The following SPRING1 variants were observed in gnomAD, a reference collection of about 807,000 sequenced individuals.
SPRING1 encodes the protein SREBP regulating gene protein.
Under a neutral mutation model 24.7 loss-of-function variants are expected in SPRING1, and 14 were observed. That is an observed-to-expected ratio of 0.57 (90% CI 0.37 to 0.88). The LOEUF is 0.88. Among genes scored for constraint, SPRING1 ranks in the 40% least tolerant of loss-of-function variants. The probability of loss-of-function intolerance (pLI) is 0.00; values close to 1 mark genes in which losing one functional copy is unlikely to be tolerated. For synonymous variants in SPRING1, 93 were observed against 106.1 expected (o/e 0.88, Z 0.76); for missense variants, 255 against 268.4 (o/e 0.95, Z 0.35).
Position 116,711,333 on chromosome 12 carries a change from A to G in SPRING1, c.*6477T>C, listed in dbSNP as rs11068161. The G allele has an allele frequency of 0.25, 37,905 of 152,034 alleles. 4,884 individuals are homozygous for G. The highest frequency in any genetic ancestry group is 0.37 in the East Asian group (1,902 of 5,122). The allele number at this position is 152,034 out of a possible 1,614,324, so 9.4% of individuals were successfully genotyped here. A position where few individuals can be genotyped will look rare whatever the true frequency, so the allele number is the denominator to read the frequency against. On this transcript the variant is annotated 3_prime_UTR_variant, in exon 5 of 5. Transcript: ENST00000261318. ...CGGATCACGAGGTCAGGAGATCGAG[A>G]CCATCCTGGCTACTAACACGGTGAA...
chr12:116,718,021 C>A, intron 4 of SPRING1, 128 bp from the exon 5 acceptor site: 1 of 690,852 alleles, frequency 1.4e-6, no homozygotes, highest in Non-Finnish European at 2.2e-6. Flanking sequence ...AGTCCATCTC[C>A]AAATGTCACT....
chr12:116,722,072 T>C (rs1002343759), intron 2 of SPRING1, among the ~76,000 whole-genome samples: 4 of 152,170 alleles, frequency 2.6e-5, no homozygotes, highest in African/African-American at 7.2e-5. Context: ...CTTTGAAAAG[T>C]TTGTAAATGC....
intron 1 of SPRING1, among the ~76,000 whole-genome samples, chr12:116,731,622 C>T (rs947496139): frequency 3.9e-5 from 6 of 152,094 alleles, no homozygotes; most frequent in South Asian, 4.1e-4. Context: ...TGGTTGCCCA[C>T]GCCTGTAGTC....
In SPRING1 at chr12:116,737,966, A is replaced by G. The variant is rs1299196829; in HGVS notation, c.-66T>C. 1 of 1,260,892 alleles carries G rather than the reference A, an allele frequency of 7.9e-7. No individual in the cohort carries two copies. The highest frequency in any genetic ancestry group is 1.0e-6 in the Non-Finnish European group (1 of 998,186). 78.1% of individuals were successfully genotyped at this position (1,260,892 alleles called of 1,614,324 possible). A position where few individuals can be genotyped will look rare whatever the true frequency, so the allele number is the denominator to read the frequency against. On this transcript the variant is annotated 5_prime_UTR_variant, in exon 1 of 5. An upstream start codon of the reference 5' UTR is lost. Transcript: ENST00000261318. ...GCGGCAGGCCCGGGTCCCGGGCGGC[A>G]TGGCCCCTACGCGCCCGGCAGCCCC... is the stretch of plus-strand genomic sequence containing the variant.
chr12:116,711,025 A>ACACACACATG lies in SPRING1; in HGVS notation c.*6784_*6785insCATGTGTGTG, dbSNP rs36071252. 1 of 150,814 alleles carries ACACACACATG rather than the reference A, an allele frequency of 6.6e-6. No individual in the cohort carries two copies. Among genetic ancestry groups the ACACACACATG allele is most frequent in the African/African-American group, 2.4e-5 (1 of 40,888 alleles). 9.3% of individuals were successfully genotyped at this position (150,814 alleles called of 1,614,324 possible). A position where few individuals can be genotyped will look rare whatever the true frequency, so the allele number is the denominator to read the frequency against. ...TTTTGTTACACACACACACACACAC[A>ACACACACATG]CACGCACACACAGAGCCAATGTATG... On this transcript the variant is annotated 3_prime_UTR_variant, in exon 5 of 5. Transcript: ENST00000261318.
At position 116,712,474 on chromosome 12, in the gene SPRING1, A is replaced by G. The variant is rs1869914771; in HGVS notation, c.*5336T>C. On this transcript the variant is annotated 3_prime_UTR_variant, in exon 5 of 5. Transcript: ENST00000261318. ...TACACAAAACTGCACTCATGCTGTG[A>G]TAACACGCAAAAGGTCACACACTGG... is the stretch of plus-strand genomic sequence containing the variant. The G allele has an allele frequency of 2.0e-5, 3 of 152,206 alleles. No individual in the cohort carries two copies. The highest frequency in any genetic ancestry group is 2.9e-5 in the Non-Finnish European group (2 of 68,052). The allele number at this position is 152,206 out of a possible 1,614,324, so 9.4% of individuals were successfully genotyped here.
At chr12:116,718,964 G>A (rs1870287272) in intron 4 of SPRING1, among the ~76,000 whole-genome samples, 2 of 152,210 alleles carry the variant, frequency 1.3e-5, no homozygotes, top group Non-Finnish European at 2.9e-5. Flanking sequence ...AAAATCCAAA[G>A]GTGGACTACA....
At chr12:116,724,422 A>G (rs1409207617) in intron 1 of SPRING1, among the ~76,000 whole-genome samples, 2 of 152,208 alleles carry the variant, frequency 1.3e-5, no homozygotes, top group Non-Finnish European at 2.9e-5. Flanking sequence ...ATGGTATAAA[A>G]AACCTGAAAC....
intron 1 of SPRING1, among the ~76,000 whole-genome samples, chr12:116,726,112 A>C (rs910028680): frequency 1.3e-5 from 2 of 152,230 alleles, no homozygotes; most frequent in African/African-American, 4.8e-5. Flanking sequence ...AAACATTTCC[A>C]AGTCCCTACA....
In SPRING1 at chr12:116,711,647, C is replaced by T. The variant is rs1220527729; in HGVS notation, c.*6163G>A. The T allele has an allele frequency of 6.6e-6, 1 of 152,252 alleles. No individual in the cohort carries two copies. The highest frequency in any genetic ancestry group is 1.5e-5 in the Non-Finnish European group (1 of 68,098). The allele number at this position is 152,252 out of a possible 1,614,324, so 9.4% of individuals were successfully genotyped here. On this transcript the variant is annotated 3_prime_UTR_variant, in exon 5 of 5. Transcript: ENST00000261318. ...TTTCCCCTCCTCAGACAGGGTCTCA[C>T]TCTGTGGCCCAGGTTGGAGCACACT...
intron 2 of SPRING1, among the ~76,000 whole-genome samples, chr12:116,722,432 G>A (rs1331210350): frequency 6.6e-6 from 1 of 152,170 alleles, no homozygotes; most frequent in East Asian, 1.9e-4. Flanking sequence ...CACACATCCT[G>A]TAAGAAGCCC....
At chr12:116,727,113 C>T (rs1482977819) in intron 1 of SPRING1, among the ~76,000 whole-genome samples, 1 of 152,158 alleles carries the variant, frequency 6.6e-6, no homozygotes, top group East Asian at 1.9e-4. Context: ...TTTCACCTAC[C>T]CTATTAGGTT....
intron 1 of SPRING1, among the ~76,000 whole-genome samples, chr12:116,731,293 C>T (rs758986602): frequency 6.6e-6 from 1 of 152,238 alleles, no homozygotes; most frequent in Non-Finnish European, 1.5e-5. Context: ...CCCATGACTT[C>T]TGCACCATCA....
rs945432998 is a variant in SPRING1 at position 116,728,400 on chromosome 12, T to C, written c.112-5177A>G. Among the ~76,000 whole-genome samples the C allele has an allele frequency of 5.9e-5, 9 of 152,286 alleles. No homozygotes were observed. The highest frequency in any genetic ancestry group is 8.8e-5 in the Non-Finnish European group (6 of 68,024). On this transcript the variant is annotated intron_variant, in intron 1 of 4. Coordinates refer to ENST00000261318, the MANE Select transcript of SPRING1 (RefSeq NM_024738.4). This position sits in a 1 kb window ranked among gnomAD's most constrained non-coding sequence, Gnocchi z 4.2. ...GTGCCTGGCACACAGTTGGTGTTAT[T>C]TGTTAAATAAATGCACCCAAGAAAC...
intron 1 of SPRING1, among the ~76,000 whole-genome samples, chr12:116,726,751 T>G (rs1388237944): frequency 1.3e-5 from 2 of 152,210 alleles, no homozygotes; most frequent in African/African-American, 2.4e-5. Context: ...TAAAGATTAT[T>G]AAGAGCTTGG....
Position 116,714,724 on chromosome 12 carries a change from G to T in SPRING1, c.*3086C>A, listed in dbSNP as rs148713953. 0.012 allele frequency: 1,800 copies of T among 151,646 alleles called. 41 individuals carry two copies. The highest frequency in any genetic ancestry group is 0.041 in the African/African-American group (1,673 of 41,106). 9.4% of individuals were successfully genotyped at this position (151,646 alleles called of 1,614,324 possible). A position where few individuals can be genotyped will look rare whatever the true frequency, so the allele number is the denominator to read the frequency against. On this transcript the variant is annotated 3_prime_UTR_variant, in exon 5 of 5. Coordinates refer to ENST00000261318, the MANE Select transcript of SPRING1 (RefSeq NM_024738.4). ...GCAGGAGAATTGCTTGAACCCAGGA[G>T]GGGGAGGTTGCAGTGAGCTGAGATC...
chr12:116,720,036 T>C lies in SPRING1; in HGVS notation c.421-160A>G. ...GGACACACGCGTGCACACACGTGCATGCCAAAACACCCTGGGTATCTTATT... is the reference window on the plus strand; with the variant it reads ...GGACACACGCGTGCACACACGTGCACGCCAAAACACCCTGGGTATCTTATT... On this transcript the variant is annotated intron_variant, in intron 3 of 4. Transcript: ENST00000261318. This position sits in a 1 kb window ranked among gnomAD's most constrained non-coding sequence, Gnocchi z 4.0. The C allele has an allele frequency of 1.4e-6, 1 of 717,564 alleles. No individual in the cohort carries two copies. Among genetic ancestry groups the C allele is most frequent in the Non-Finnish European group, 2.3e-6 (1 of 435,348 alleles). 44.4% of individuals were successfully genotyped at this position (717,564 alleles called of 1,614,324 possible). A position where few individuals can be genotyped will look rare whatever the true frequency, so the allele number is the denominator to read the frequency against.
At chr12:116,722,981 G>A in intron 2 of SPRING1, 86 bp downstream of exon 2, 1 of 1,519,554 alleles carries the variant, frequency 6.6e-7, no homozygotes, top group Non-Finnish European at 9.0e-7. Context: ...TGTTGCAGAG[G>A]AATCCCTATT....
rs1225695573 is a variant in SPRING1, at chr12:116,712,516, G to A, written c.*5294C>T. ...ACACACTGGAAGAGCCTTGCCCAAC[G>A]AACGATAGACTAACAGGCCAGAGGC... On this transcript the variant is annotated 3_prime_UTR_variant, in exon 5 of 5. Transcript: ENST00000261318. 1 of 152,126 alleles carries A rather than the reference G, an allele frequency of 6.6e-6. No homozygotes were observed. Among genetic ancestry groups the A allele is most frequent in the African/African-American group, 2.4e-5 (1 of 41,412 alleles). 9.4% of individuals were successfully genotyped at this position (152,126 alleles called of 1,614,324 possible).
Sources: allele counts gnomAD v4.1 joint callset (sites outside exome capture counted in the v4.1 genomes callset), GRCh38; gene constraint gnomAD v4.1.1; non-coding constraint Gnocchi (gnomAD v3.1); transcripts MANE v1.5; gene names NCBI Gene and HGNC (gene_info 2026-07-23, HGNC 2026-07-21).